Variants in INPP4B observed in about 807,000 individuals in gnomAD.
INPP4B encodes the protein inositol polyphosphate 4-phosphatase type II.
A neutral mutation model predicts 122.5 loss-of-function variants in INPP4B; 55 were observed. The ratio of observed to expected loss-of-function variants is 0.45; its 90% CI spans 0.36 to 0.56. The LOEUF is 0.56. Ranked by LOEUF, INPP4B falls within the 20% of genes least tolerant of loss-of-function variation. The pLI, the probability that INPP4B is intolerant of heterozygous loss-of-function variation, is 0.00. For synonymous variants in INPP4B, 403 were observed against 388.7 expected (o/e 1.04, Z -0.43); for missense variants, 1,000 against 1,097.7 (o/e 0.91, Z 1.26).
At chr4:142,136,511 C>T (rs1804348053) in intron 18 of INPP4B, among the ~76,000 whole-genome samples, 2 of 152,160 alleles carry the variant, frequency 1.3e-5, no homozygotes, top group South Asian at 4.1e-4. Flanking sequence ...GGGAAGGCAC[C>T]CCAGATGATG....
Position 142,580,598 on chromosome 4 carries a change from G to A in INPP4B, c.-190-117872C>T, listed in dbSNP as rs749111505. ...GAACCCAACACAGGTTACAAAGAAC[G>A]TGTTTATGTGGTCCATTTTTGGTGT... On this transcript the variant is annotated intron_variant, in intron 2 of 25. Transcript: ENST00000262992. Among the ~76,000 whole-genome samples the A allele has an allele frequency of 5.3e-5, 8 of 151,978 alleles. No homozygotes were observed. In the South Asian group the frequency reaches 6.2e-4, roughly 12 times the overall value.
At chr4:142,392,345 G>T (rs914137137) in intron 7 of INPP4B, among the ~76,000 whole-genome samples, 1 of 152,102 alleles carries the variant, frequency 6.6e-6, no homozygotes, top group Non-Finnish European at 1.5e-5. Flanking sequence ...ATGCCTCTAT[G>T]AACAATAGAA....
chr4:142,046,615 G>A, intron 25 of INPP4B, among the ~76,000 whole-genome samples: 1 of 152,018 alleles, frequency 6.6e-6, no homozygotes, highest in East Asian at 1.9e-4. Flanking sequence ...GAAAGAGGAG[G>A]GAATAAGGTA....
intron 11 of INPP4B, among the ~76,000 whole-genome samples, chr4:142,241,540 A>C (rs76946575): frequency 1.3e-5 from 2 of 152,146 alleles, no homozygotes; most frequent in Non-Finnish European, 2.9e-5. Context: ...ACAAGGTAGC[A>C]TGTCACCTGC....
chr4:142,115,640 T>C (rs1792840260), intron 21 of INPP4B, among the ~76,000 whole-genome samples: 1 of 152,082 alleles, frequency 6.6e-6, no homozygotes, highest in Non-Finnish European at 1.5e-5. Flanking sequence ...CAGGCCTGCC[T>C]TACAAGAGCT....
intron 3 of INPP4B, among the ~76,000 whole-genome samples, chr4:142,449,891 A>G (rs1813774432): frequency 6.6e-6 from 1 of 152,188 alleles, no homozygotes; most frequent in Admixed American, 6.5e-5. Flanking sequence ...CAGACTTTCT[A>G]GACTATTGAC....
At chr4:142,209,501 AC>A (rs1439055045) in intron 12 of INPP4B, among the ~76,000 whole-genome samples, 1 of 152,094 alleles carries the variant, frequency 6.6e-6, no homozygotes, top group East Asian at 1.9e-4. Context: ...TTTTAAAAAA[AC>A]AAAAGCCCGG....
At chr4:142,164,975 A>C (rs541565574) in intron 16 of INPP4B, among the ~76,000 whole-genome samples, 4 of 151,838 alleles carry the variant, frequency 2.6e-5, no homozygotes, top group African/African-American at 9.6e-5. Context: ...AAATGTGGTA[A>C]GTCAGCCCAC....
In INPP4B at chr4:142,653,359, C is replaced by T. The variant is rs922915019; in HGVS notation, c.-191+72480G>A. 4.6e-5 allele frequency among the ~76,000 whole-genome samples: 7 copies of T among 152,230 alleles called. No homozygotes were observed. In the East Asian group the frequency reaches 5.8e-4, roughly 13 times the overall value. On this transcript the variant is annotated intron_variant, in intron 2 of 25. Coordinates refer to ENST00000262992, the MANE Select transcript of INPP4B (RefSeq NM_001101669.3). ...CACCAAAAGCAATGGCAACAAAAGC[C>T]AAAATTGACAAATGGGATCTAATTA...
chr4:142,758,845 C>T (rs987719737), intron 1 of INPP4B, among the ~76,000 whole-genome samples: 6 of 150,674 alleles, frequency 4.0e-5, no homozygotes, highest in Non-Finnish European at 7.4e-5. Flanking sequence ...TCCAGCTACT[C>T]GGGAGGCTGC....
At chr4:142,633,944 T>G (rs2150437779) in intron 2 of INPP4B, among the ~76,000 whole-genome samples, 1 of 151,972 alleles carries the variant, frequency 6.6e-6, no homozygotes, top group African/African-American at 2.4e-5. Context: ...GAGGATCAGC[T>G]GAGCCCAGGA....
intron 2 of INPP4B, among the ~76,000 whole-genome samples, chr4:142,692,199 G>A (rs1760288544): frequency 6.6e-6 from 1 of 152,140 alleles, no homozygotes; most frequent in African/African-American, 2.4e-5. Context: ...AATTGGGGAT[G>A]AAGTTCCTTG....
intron 1 of INPP4B, among the ~76,000 whole-genome samples, chr4:142,831,944 A>C (rs1005384840): frequency 3.3e-5 from 5 of 152,176 alleles, no homozygotes; most frequent in African/African-American, 4.8e-5. Flanking sequence ...GTACAAATAA[A>C]CCTTAGCAGC....
At chr4:142,587,739 C>T (rs959504655) in intron 2 of INPP4B, among the ~76,000 whole-genome samples, 8 of 151,962 alleles carry the variant, frequency 5.3e-5, no homozygotes, top group African/African-American at 1.7e-4. Flanking sequence ...ATTTTGACTC[C>T]AGTCCCCCTG....
chr4:142,121,761 AT>A (rs759281729), intron 21 of INPP4B, among the ~76,000 whole-genome samples: 9 of 152,278 alleles, frequency 5.9e-5, no homozygotes, highest in Admixed American at 1.3e-4. Flanking sequence ...ATTTAAAGTC[AT>A]TTCAAGAATT....
At chr4:142,186,404 T>C (rs1239461757) in intron 15 of INPP4B, among the ~76,000 whole-genome samples, 1 of 152,206 alleles carries the variant, frequency 6.6e-6, no homozygotes, top group Admixed American at 6.5e-5. Context: ...AATTCAAATC[T>C]ACACTGGGAG....
At position 142,027,795 on chromosome 4, in the gene INPP4B, T is replaced by C. The variant is rs1737478376; in HGVS notation, c.*987A>G. The C allele has an allele frequency of 6.2e-6, 1 of 162,468 alleles. No homozygotes were observed. Among genetic ancestry groups the C allele is most frequent in the South Asian group, 2.0e-4 (1 of 4,912 alleles). The allele number at this position is 162,468 out of a possible 1,614,324, so 10.1% of individuals were successfully genotyped here. A position where few individuals can be genotyped will look rare whatever the true frequency, so the allele number is the denominator to read the frequency against. ...TGAGTAAGGGCAAGGGCAAGTTTGA[T>C]ATTCAGGGCAACAGAAAATAATTGT... is the stretch of plus-strand genomic sequence containing the variant. On this transcript the variant is annotated 3_prime_UTR_variant, in exon 26 of 26. Coordinates refer to ENST00000262992, the MANE Select transcript of INPP4B (RefSeq NM_001101669.3).
intron 12 of INPP4B, among the ~76,000 whole-genome samples, chr4:142,212,799 T>C (rs1412942272): frequency 6.6e-6 from 1 of 151,976 alleles, no homozygotes; most frequent in Non-Finnish European, 1.5e-5. Context: ...AGTGGATCAC[T>C]GCTACTGATT....
intron 16 of INPP4B, among the ~76,000 whole-genome samples, chr4:142,162,025 G>A (rs1257397645): frequency 6.6e-6 from 1 of 151,644 alleles, no homozygotes; most frequent in Admixed American, 6.6e-5. Context: ...AACTTTCCAA[G>A]TGTTTTGAAC....
Sources: allele counts gnomAD v4.1 joint callset (sites outside exome capture counted in the v4.1 genomes callset), GRCh38; gene constraint gnomAD v4.1.1; transcripts MANE v1.5; gene names NCBI Gene and HGNC (gene_info 2026-07-23, HGNC 2026-07-21).